Variants in PPP2R2C observed in about 807,000 individuals in gnomAD.
The protein encoded by PPP2R2C is protein phosphatase 2 regulatory subunit Bgamma, also known as protein phosphatase 2, regulatory subunit B, gamma.
PPP2R2C carries 10 observed loss-of-function variants against 45.3 expected under a neutral mutation model. The observed-to-expected ratio is 0.22, with a 90% confidence interval of 0.14 to 0.37. The LOEUF is 0.37. Ranked by LOEUF, PPP2R2C falls within the 10% of genes least tolerant of loss-of-function variation. PPP2R2C has a pLI of 1.00. For missense variants in PPP2R2C, 308 were observed against 619.7 expected, an observed-to-expected ratio of 0.50 and a Z score of 5.34; for synonymous variants, 257 against 245.4, an observed-to-expected ratio of 1.05 and a Z score of -0.44.
upstream of PPP2R2C, among the ~76,000 whole-genome samples, chr4:6,474,415 G>C (rs1722063842): frequency 6.6e-6 from 1 of 152,124 alleles, no homozygotes; most frequent in Non-Finnish European, 1.5e-5. Flanking sequence ...CAGGGGTCAG[G>C]CCTCCTGGGA....
At chr4:6,403,713 G>A (rs939619186) in intron 1 of PPP2R2C, among the ~76,000 whole-genome samples, 1 of 151,984 alleles carries the variant, frequency 6.6e-6, no homozygotes, top group Non-Finnish European at 1.5e-5. Flanking sequence ...AAATACAAAA[G>A]TTAGCTGGGC....
chr4:6,396,098 G>A (rs1477405307), intron 1 of PPP2R2C, among the ~76,000 whole-genome samples: 1 of 152,220 alleles, frequency 6.6e-6, no homozygotes, highest in Non-Finnish European at 1.5e-5. Flanking sequence ...GCCCTGGCAG[G>A]TGCGTGGCAT....
intron 5 of PPP2R2C, chr4:6,351,443 G>C (rs773512654): frequency 1.3e-6 from 1 of 789,006 alleles, no homozygotes; most frequent in African/African-American, 1.9e-5. Flanking sequence ...ACACTCAATC[G>C]AGCACCCCAT....
chr4:6,329,237 G>GGTGAC lies in PPP2R2C; in HGVS notation c.1052+24_1052+25insGTCAC. 6.2e-7 allele frequency: 1 copy of GGTGAC among 1,602,816 alleles called. No individual in the cohort carries two copies. Among genetic ancestry groups the GGTGAC allele is most frequent in the Non-Finnish European group, 8.5e-7 (1 of 1,170,290 alleles). On this transcript the variant is annotated intron_variant, in intron 8 of 8. Coordinates refer to ENST00000382599, the MANE Select transcript of PPP2R2C (RefSeq NM_020416.4). This position sits in a 1 kb window ranked among gnomAD's most constrained non-coding sequence, Gnocchi z 5.8. ...AGAAACCCTCCCTACGGTGAGGTGA[G>GGTGAC]GTGCGGGCTGAGGTCAGGGCTTACC...
upstream of PPP2R2C, among the ~76,000 whole-genome samples, chr4:6,476,500 C>A (rs1315379799): frequency 6.6e-6 from 1 of 152,170 alleles, no homozygotes; most frequent in African/African-American, 2.4e-5. Context: ...GAGGACACAA[C>A]AAGAAGTTGG....
In PPP2R2C at chr4:6,323,231, T is replaced by G; in HGVS notation, c.*71A>C. ...TGTGACTTTCTTCCCCTCCTTGCAT[T>G]GCGGTCGTGAAGGTCATGTCGGGGA... is the stretch of plus-strand genomic sequence containing the variant. On this transcript the variant is annotated 3_prime_UTR_variant, in exon 9 of 9. Transcript: ENST00000382599. 1 of 1,507,232 alleles carries G rather than the reference T, an allele frequency of 6.6e-7. No individual in the cohort carries two copies. The highest frequency in any genetic ancestry group is 1.3e-5 in the South Asian group (1 of 77,222). The allele number at this position is 1,507,232 out of a possible 1,614,324, so 93.4% of individuals were successfully genotyped here.
At position 6,368,793 on chromosome 4, in the gene PPP2R2C, C is replaced by T. The variant is rs551644047; in HGVS notation, c.625+3730G>A. 1.3e-5 allele frequency among the ~76,000 whole-genome samples: 2 copies of T among 152,262 alleles called. No homozygotes were observed. The highest frequency in any genetic ancestry group is 2.1e-4 in the South Asian group (1 of 4,822). On this transcript the variant is annotated intron_variant, in intron 5 of 8. Coordinates refer to ENST00000382599, the MANE Select transcript of PPP2R2C (RefSeq NM_020416.4). The surrounding 1 kb of genome is among the most constrained non-coding windows in gnomAD (Gnocchi z 4.2). ...CGGGTCTCCTTGCTGGTTCCCAAGC[C>T]GCCAGCCTTGTCTGCTGGAATCCAA...
chr4:6,321,738 C>T lies in PPP2R2C; in HGVS notation c.*1564G>A, dbSNP rs6446489. 0.61 allele frequency: 92,804 copies of T among 151,754 alleles called. 28,829 individuals carry two copies. The highest frequency in any genetic ancestry group is 0.91 in the East Asian group (4,669 of 5,144). The allele number at this position is 151,754 out of a possible 1,614,324, so 9.4% of individuals were successfully genotyped here. A position where few individuals can be genotyped will look rare whatever the true frequency, so the allele number is the denominator to read the frequency against. On this transcript the variant is annotated 3_prime_UTR_variant, in exon 9 of 9. Coordinates refer to ENST00000382599, the MANE Select transcript of PPP2R2C (RefSeq NM_020416.4). ...TGAATCAAAATGCCAAACTACGTGG[C>T]TCTGCTGCAAGTCCATGAGCAAAGA...
chr4:6,450,998 A>C (rs1720707880), intron 1 of PPP2R2C, among the ~76,000 whole-genome samples: 1 of 152,196 alleles, frequency 6.6e-6, no homozygotes, highest in Non-Finnish European at 1.5e-5. Flanking sequence ...GTGCCTAAGC[A>C]TCACTGGCTC....
At chr4:6,339,732 G>A (rs536107409) in intron 6 of PPP2R2C, among the ~76,000 whole-genome samples, 2 of 152,220 alleles carry the variant, frequency 1.3e-5, no homozygotes, top group Non-Finnish European at 2.9e-5. Context: ...CATGGGAGGA[G>A]GTGGCCTGGA....
At chr4:6,412,914 C>G (rs10017776) in intron 1 of PPP2R2C, among the ~76,000 whole-genome samples, 104,275 of 151,946 alleles carry the variant, frequency 0.69, 36,171 homozygotes, top group Middle Eastern at 0.76. Context: ...ACCAGGCATA[C>G]GGCCTTCAAC....
chr4:6,404,068 T>C (rs1717626881), intron 1 of PPP2R2C, among the ~76,000 whole-genome samples: 1 of 152,162 alleles, frequency 6.6e-6, no homozygotes, highest in Non-Finnish European at 1.5e-5. Context: ...ACCCATCTCA[T>C]GCTGAGGTGC....
intron 1 of PPP2R2C, among the ~76,000 whole-genome samples, chr4:6,390,287 A>G (rs923053719): frequency 2.6e-5 from 4 of 152,154 alleles, no homozygotes; most frequent in African/African-American, 9.7e-5. Context: ...TACTGGCCAC[A>G]GGACATACAG....
intron 1 of PPP2R2C, among the ~76,000 whole-genome samples, chr4:6,442,687 AG>A (rs1720214053): frequency 6.6e-6 from 1 of 152,138 alleles, no homozygotes; most frequent in Non-Finnish European, 1.5e-5. Context: ...CAACACCCCT[AG>A]GGTGTGGGGT....
At chr4:6,356,053 C>T (rs1050505026) in intron 5 of PPP2R2C, among the ~76,000 whole-genome samples, 3 of 148,998 alleles carry the variant, frequency 2.0e-5, no homozygotes, top group African/African-American at 2.5e-5. Flanking sequence ...ACACGTGCTG[C>T]GGGTCCAGTG....
chr4:6,338,860 C>G (rs1371994474), intron 6 of PPP2R2C, among the ~76,000 whole-genome samples: 4 of 152,182 alleles, frequency 2.6e-5, no homozygotes, highest in African/African-American at 7.2e-5. Context: ...GCATCGTGCT[C>G]TGTGTGACCT....
chr4:6,535,199 C>T (rs1724566090), intron 2 of PPP2R2C: 4 of 1,474,428 alleles, frequency 2.7e-6, no homozygotes, highest in Non-Finnish European at 3.7e-6. Flanking sequence ...CTGTGTCGGG[C>T]GCCTGTGACC....
intron 2 of PPP2R2C, among the ~76,000 whole-genome samples, chr4:6,505,792 C>T (rs1245109958): frequency 3.3e-5 from 5 of 152,072 alleles, no homozygotes; most frequent in Admixed American, 2.6e-4. Flanking sequence ...ATGGTGAAAC[C>T]TTGTCTCTAC....
intron 1 of PPP2R2C, among the ~76,000 whole-genome samples, chr4:6,542,494 G>T (rs1724830975): frequency 6.6e-6 from 1 of 152,146 alleles, no homozygotes; most frequent in South Asian, 2.1e-4. Context: ...AGGAGTTCAA[G>T]ACCAGCCTGG....
Sources: allele counts gnomAD v4.1 joint callset (sites outside exome capture counted in the v4.1 genomes callset), GRCh38; gene constraint gnomAD v4.1.1; non-coding constraint Gnocchi (gnomAD v3.1); transcripts MANE v1.5; gene names NCBI Gene and HGNC (gene_info 2026-07-23, HGNC 2026-07-21).